Variants in ZNF143 observed in about 807,000 individuals in gnomAD.
ZNF143 encodes the protein SPH-binding factor.
Under a neutral mutation model 74.1 loss-of-function variants are expected in ZNF143, and 49 were observed. The ratio of observed to expected loss-of-function variants is 0.66; its 90% confidence interval spans 0.53 to 0.84. The LOEUF is 0.84. Ranked by LOEUF, ZNF143 falls within the 40% of genes least tolerant of loss-of-function variation. The pLI, the probability that ZNF143 is intolerant of heterozygous loss-of-function variation, is 0.00. For missense variants in ZNF143, 637 were observed against 793.4 expected, an observed-to-expected ratio of 0.80 and a Z score of 2.37; for synonymous variants, 304 against 282.8, an observed-to-expected ratio of 1.07 and a Z score of -0.75.
chr11:9,521,478 A>G (rs1001433005), intron 14 of ZNF143, among the ~76,000 whole-genome samples: 15 of 152,122 alleles, frequency 9.9e-5, no homozygotes, highest in African/African-American at 3.6e-4. Flanking sequence ...TAGTTGTGTA[A>G]GATTGGTATT....
Position 9,478,605 on chromosome 11 carries a change from T to G in ZNF143, c.570+19T>G. On this transcript the variant is annotated intron_variant, in intron 6 of 15. Transcript: ENST00000396602. ...AGCAAAGGTATAGCATTTCACAATG[T>G]CAAGAATGTTGCAGATATAGCTTCT... 6.3e-7 allele frequency: 1 copy of G among 1,590,974 alleles called. No individual in the cohort carries two copies. The highest frequency in any genetic ancestry group is 1.1e-5 in the South Asian group (1 of 90,164).
chr11:9,511,455 C>T (rs910648659), intron 12 of ZNF143, among the ~76,000 whole-genome samples: 8 of 150,274 alleles, frequency 5.3e-5, no homozygotes, highest in African/African-American at 1.7e-4. Flanking sequence ...TGCCACCATG[C>T]CCGGCTATTT....
At position 9,494,685 on chromosome 11, in the gene ZNF143, T is replaced by C. The variant is rs1565046290; in HGVS notation, c.685T>C (p.Ser229Pro). The change falls in exon 8 of 16, where the codon TCT (serine) becomes CCT (proline). Residue 229 changes from serine to proline, a missense_variant. Ser to Pro is a moderately conservative substitution (Grantham distance 74, BLOSUM62 -1). Transcript: ENST00000396602. Reference sequence around the variant, plus strand: ...ACATGCTACAAGAGTAACTGCTAAATCTCAACAGAGTGGAGAGAAGGCATT... The same window carrying C: ...ACATGCTACAAGAGTAACTGCTAAACCTCAACAGAGTGGAGAGAAGGCATT... ...QGHATRVTAKSQQSGEKAFRC... is the reference protein window; with the variant it reads ...QGHATRVTAKPQQSGEKAFRC... 1.9e-6 allele frequency: 3 copies of C among 1,613,964 alleles called. No individual in the cohort carries two copies. The highest frequency in any genetic ancestry group is 2.5e-6 in the Non-Finnish European group (3 of 1,179,840).
chr11:9,516,217 C>G lies in ZNF143; in HGVS notation c.1541C>G (p.Ala514Gly). 1.2e-6 allele frequency: 2 copies of G among 1,613,912 alleles called. No homozygotes were observed. Among genetic ancestry groups the G allele is most frequent in the Non-Finnish European group, 8.5e-7 (1 of 1,179,856 alleles). ...DGTQHVNISQ[A>G]DMQAIGNTIT... ...GTATTGCAGGTCAACATATCTCAAG[C>G]TGACATGCAGGCCATTGGCAACACC... Residue 514 changes from alanine (A) to glycine (G), a missense_variant, in exon 14 of 16, where the codon GCT (alanine) becomes GGT (glycine). Ala to Gly is a moderately conservative substitution (Grantham distance 60). Around this residue, in one of 2 missense-constraint regions of ZNF143, gnomAD observed 344 missense variants for 485.6 expected, o/e 0.71. Transcript: ENST00000396602.
At chr11:9,511,132 C>T (rs1235538669) in intron 12 of ZNF143, among the ~76,000 whole-genome samples, 11 of 87,124 alleles carry the variant, frequency 1.3e-4, no homozygotes, top group Non-Finnish European at 1.7e-4. Context: ...TTTTTTGAGA[C>T]GGAGTTTCGC....
At chr11:9,471,278 C>G in intron 1 of ZNF143, 24 bp from the exon 2 acceptor site, 1 of 1,552,448 alleles carries the variant, frequency 6.4e-7, no homozygotes. Context: ...TCTTTGTTCC[C>G]AAGTGTCTTT....
intron 1 of ZNF143, among the ~76,000 whole-genome samples, chr11:9,464,284 A>G (rs551162095): frequency 6.6e-6 from 1 of 152,178 alleles, no homozygotes; most frequent in East Asian, 1.9e-4. Context: ...GGTGCACGCC[A>G]CAATGCCCAG....
chr11:9,472,517 G>A (rs1856640100), intron 2 of ZNF143, among the ~76,000 whole-genome samples, 160 bp from the exon 3 acceptor site: 2 of 152,120 alleles, frequency 1.3e-5, no homozygotes, highest in Admixed American at 6.5e-5. Flanking sequence ...CTCCCAAAGT[G>A]CCGTGATTAC....
chr11:9,496,470 G>T, intron 9 of ZNF143, 92 bp downstream of exon 9: 1 of 1,026,310 alleles, frequency 9.7e-7, no homozygotes, highest in South Asian at 1.3e-5. Flanking sequence ...GGCTGTGTCT[G>T]AATCTGCAGA....
At chr11:9,506,790 A>G (rs1356343043) in intron 11 of ZNF143, among the ~76,000 whole-genome samples, 2 of 152,186 alleles carry the variant, frequency 1.3e-5, no homozygotes, top group African/African-American at 2.4e-5. Flanking sequence ...GACCTGTGAA[A>G]TGCAGTCCTT....
chr11:9,486,368 TATAATATATTATATATATAATATATATA>T, intron 7 of ZNF143, among the ~76,000 whole-genome samples: 1 of 42,836 alleles, frequency 2.3e-5, no homozygotes, highest in African/African-American at 1.0e-4. Context: ...ATATATTATA[TATAATATATTATATATATAATATATATA>T]ATATATTATA....
rs1847304883 is a variant in ZNF143, at chr11:9,482,921, C to T, written c.645+3375C>T. Among the ~76,000 whole-genome samples, 2 of 151,340 alleles carry T rather than the reference C, an allele frequency of 1.3e-5. 1 individual carries two copies. The highest frequency in any genetic ancestry group is 4.9e-5 in the African/African-American group (2 of 40,758). Reference sequence around the variant, plus strand: ...CATATTGTGTTAAACAAAATAATTACTATTAATTTCACCTGTTTCTTTTAA... The same window carrying T: ...CATATTGTGTTAAACAAAATAATTATTATTAATTTCACCTGTTTCTTTTAA... On this transcript the variant is annotated intron_variant, in intron 7 of 15. Transcript: ENST00000396602.
At chr11:9,462,261 T>C (rs954129929) in intron 1 of ZNF143, among the ~76,000 whole-genome samples, 1 of 30,168 alleles carries the variant, frequency 3.3e-5, no homozygotes, top group Non-Finnish European at 1.1e-4. Context: ...CTTGAGTGCC[T>C]TTTTTTTTTT....
At chr11:9,469,942 C>T (rs913597366) in intron 1 of ZNF143, among the ~76,000 whole-genome samples, 3 of 152,136 alleles carry the variant, frequency 2.0e-5, no homozygotes, top group African/African-American at 7.2e-5. Context: ...ATAGTATTTC[C>T]AAGACAAAAT....
intron 5 of ZNF143, among the ~76,000 whole-genome samples, chr11:9,476,748 T>TTTTC (rs1856922290): frequency 3.2e-5 from 1 of 31,078 alleles, no homozygotes. Context: ...GGAGGAATCT[T>TTTTC]TTTTTTTTTT....
intron 5 of ZNF143, 128 bp downstream of exon 5, chr11:9,474,761 T>C: frequency 9.8e-7 from 1 of 1,023,968 alleles, no homozygotes; most frequent in Non-Finnish European, 1.4e-6. Flanking sequence ...AAGTACAAGG[T>C]GGCAGATTTA....
chr11:9,473,294 G>A (rs1190522768), intron 3 of ZNF143, among the ~76,000 whole-genome samples: 4 of 151,908 alleles, frequency 2.6e-5, no homozygotes, highest in Non-Finnish European at 5.9e-5. Flanking sequence ...AGGAGGCTGA[G>A]GCAGGAGAGT....
intron 9 of ZNF143, 70 bp from the exon 10 acceptor site, chr11:9,497,605 T>G (rs1848007278): frequency 8.3e-7 from 1 of 1,207,234 alleles, no homozygotes. Flanking sequence ...TATTTTTCAG[T>G]AGCTTATTCT....
intron 7 of ZNF143, among the ~76,000 whole-genome samples, chr11:9,480,900 GAAAAAA>G (rs1847210704): frequency 1.4e-5 from 2 of 147,932 alleles, no homozygotes; most frequent in Admixed American, 6.7e-5. Flanking sequence ...AAAAAAAAAA[GAAAAAA>G]GAAAAAGAAA....
Sources: allele counts gnomAD v4.1 joint callset (sites outside exome capture counted in the v4.1 genomes callset), GRCh38; gene constraint gnomAD v4.1.1; regional missense constraint gnomAD v4.1.1; transcripts MANE v1.5; gene names NCBI Gene and HGNC (gene_info 2026-07-23, HGNC 2026-07-21).